Variants in SHC3 observed in about 807,000 individuals in gnomAD.
SHC3 encodes the protein SHC adaptor protein 3, also known as SHC-transforming protein 3.
SHC3 carries 15 observed loss-of-function variants against 60.4 expected under a neutral mutation model. That is an observed-to-expected ratio of 0.25 (90% CI 0.17 to 0.38). The LOEUF (loss-of-function observed/expected upper bound fraction) is 0.38, where lower values mean the gene tolerates loss of function less well. Ranked by LOEUF, SHC3 falls within the 10% of genes least tolerant of loss-of-function variation. SHC3 has a pLI of 1.00. For synonymous variants in SHC3, 294 were observed against 325.9 expected (o/e 0.90, Z 1.05); for missense variants, 677 against 786.1 (o/e 0.86, Z 1.66).
intron 7 of SHC3, among the ~76,000 whole-genome samples, chr9:89,049,020 GGGA>G (rs1440552467): frequency 6.6e-6 from 1 of 152,154 alleles, no homozygotes; most frequent in Non-Finnish European, 1.5e-5. Flanking sequence ...CCAGCACTTT[GGGA>G]GGCCGAGAGG....
chr9:89,078,000 G>T (rs965721005), intron 2 of SHC3, 97 bp from the exon 3 acceptor site: 40 of 1,360,740 alleles, frequency 2.9e-5, no homozygotes, highest in Non-Finnish European at 3.8e-5. Context: ...ATAACTGCCT[G>T]TTTATTTCAG....
rs1039253758 is a variant in SHC3 at position 89,177,939 on chromosome 9, C to G, written c.474+48G>C. On this transcript the variant is annotated intron_variant, in intron 1 of 11. Coordinates refer to ENST00000375835, the MANE Select transcript of SHC3 (RefSeq NM_016848.6). ...AGGGAATGAAGGAGTCTGCCCCGAA[C>G]TGGCCCCAGAACCCCCAGCCCCCAG... is the stretch of plus-strand genomic sequence containing the variant. 1.1e-5 allele frequency: 13 copies of G among 1,182,816 alleles called. No individual in the cohort carries two copies. The African/African-American group carries it at 1.8e-4, about 16-fold the overall frequency. The allele number at this position is 1,182,816 out of a possible 1,614,324, so 73.3% of individuals were successfully genotyped here.
intron 1 of SHC3, among the ~76,000 whole-genome samples, chr9:89,158,925 C>T (rs769150345): frequency 2.6e-5 from 4 of 152,110 alleles, no homozygotes; most frequent in Admixed American, 6.5e-5. Flanking sequence ...AAAATTCCAC[C>T]GGCTTTCTCA....
intron 1 of SHC3, among the ~76,000 whole-genome samples, chr9:89,171,687 G>T (rs1319368511): frequency 6.6e-6 from 1 of 152,192 alleles, no homozygotes; most frequent in Non-Finnish European, 1.5e-5. Context: ...GACAGCTGCT[G>T]AGGCATCAGG....
intron 1 of SHC3, among the ~76,000 whole-genome samples, chr9:89,126,167 G>A (rs1826162501): frequency 6.6e-6 from 1 of 152,126 alleles, no homozygotes; most frequent in Admixed American, 6.5e-5. Context: ...TAAGCAGAGT[G>A]CCCATACTTG....
intron 1 of SHC3, among the ~76,000 whole-genome samples, chr9:89,142,829 T>C (rs1391807970): frequency 1.3e-5 from 2 of 152,100 alleles, no homozygotes; most frequent in Admixed American, 6.5e-5. Flanking sequence ...TGTGTACAGA[T>C]AATTTTCCTT....
Position 89,075,192 on chromosome 9 carries a change from T to G in SHC3, c.646A>C (p.Ser216Arg). The change falls in exon 4 of 12, where the codon AGC (serine) becomes CGC (arginine). Residue 216 changes from serine to arginine, a missense_variant. Ser to Arg is a moderately radical substitution (Grantham distance 110). Coordinates refer to ENST00000375835, the MANE Select transcript of SHC3 (RefSeq NM_016848.6). ...CTCATTCCCGCAAACTGGAGGTTGC[T>G]CTTTCCCAAGATGCTGGACAGCATT... ...SKMLSSILGK[S>R]NLQFAGMSIS... The G allele has an allele frequency of 6.2e-7, 1 of 1,614,008 alleles. No homozygotes were observed. Among genetic ancestry groups the G allele is most frequent in the Non-Finnish European group, 8.5e-7 (1 of 1,179,922 alleles).
At position 89,028,381 on chromosome 9, in the gene SHC3, T is replaced by C. The variant is rs1011608620; in HGVS notation, c.1656+9612A>G. Among the ~76,000 whole-genome samples, 5 of 151,090 alleles carry C rather than the reference T, an allele frequency of 3.3e-5. No homozygotes were observed. In the East Asian group the frequency reaches 5.8e-4, roughly 18 times the overall value. ...AGACATCTTAAAAACACCAGTACCA[T>C]GAAGAGAAAGATCATGATGAGCAAA... On this transcript the variant is annotated intron_variant, in intron 11 of 11. Transcript: ENST00000375835.
At chr9:89,064,809 G>A (rs968240014) in intron 6 of SHC3, among the ~76,000 whole-genome samples, 9 of 152,134 alleles carry the variant, frequency 5.9e-5, no homozygotes, top group Admixed American at 2.0e-4. Flanking sequence ...GTATGTATAC[G>A]GATAAGCATT....
At chr9:89,023,131 G>A (rs903542292) in intron 11 of SHC3, among the ~76,000 whole-genome samples, 1 of 152,222 alleles carries the variant, frequency 6.6e-6, no homozygotes, top group East Asian at 1.9e-4. Flanking sequence ...AACACTCAGG[G>A]AGAGAGGTCA....
chr9:89,052,013 A>G, intron 7 of SHC3, 24 bp downstream of exon 7: 1 of 1,611,896 alleles, frequency 6.2e-7, no homozygotes, highest in Non-Finnish European at 8.5e-7. Flanking sequence ...AGGCTATTGC[A>G]AATGGTGTCA....
At chr9:89,114,361 T>C (rs1482281173) in intron 1 of SHC3, among the ~76,000 whole-genome samples, 1 of 152,050 alleles carries the variant, frequency 6.6e-6, no homozygotes. Context: ...TGTCCCCCCA[T>C]GGACGTATAC....
intron 6 of SHC3, among the ~76,000 whole-genome samples, chr9:89,064,191 CA>C (rs1324528277): frequency 3.3e-5 from 5 of 152,178 alleles, no homozygotes; most frequent in African/African-American, 1.2e-4. Flanking sequence ...AATGCAATAC[CA>C]TCATATTGGG....
At chr9:89,016,477 GA>G (rs1826095659) in intron 11 of SHC3, among the ~76,000 whole-genome samples, 1 of 151,930 alleles carries the variant, frequency 6.6e-6, no homozygotes, top group Admixed American at 6.6e-5. Context: ...CACACAAGAA[GA>G]AATAAACAAT....
chr9:89,046,809 C>A (rs1392281403), intron 8 of SHC3, 35 bp downstream of exon 8: 1 of 1,466,390 alleles, frequency 6.8e-7, no homozygotes, highest in Non-Finnish European at 9.0e-7. Context: ...AGTTAGCCTC[C>A]ATTCCTTATA....
At chr9:89,019,304 A>G (rs1014485435) in intron 11 of SHC3, among the ~76,000 whole-genome samples, 3 of 152,216 alleles carry the variant, frequency 2.0e-5, no homozygotes, top group African/African-American at 7.2e-5. Context: ...CTAAGGTTTC[A>G]CAGCAGCTTA....
At chr9:89,060,963 A>G (rs180755771) in intron 6 of SHC3, among the ~76,000 whole-genome samples, 3 of 152,260 alleles carry the variant, frequency 2.0e-5, no homozygotes, top group Admixed American at 6.5e-5. Flanking sequence ...TGCTGGACCT[A>G]TCTGTGTCTG....
intron 1 of SHC3, among the ~76,000 whole-genome samples, chr9:89,148,439 G>C (rs1465144463): frequency 6.6e-6 from 1 of 152,136 alleles, no homozygotes; most frequent in Admixed American, 6.5e-5. Context: ...CACAGATTTT[G>C]GGGGAGAAAA....
intron 1 of SHC3, among the ~76,000 whole-genome samples, chr9:89,146,311 C>G (rs564100111): frequency 6.6e-6 from 1 of 151,574 alleles, no homozygotes; most frequent in Admixed American, 6.6e-5. Flanking sequence ...AAGCTGAGAT[C>G]GCGCCACTGC....
Sources: gnomAD v4.1 joint callset for allele counts (sites outside exome capture counted in the v4.1 genomes callset) on GRCh38, gnomAD v4.1.1 for gene constraint, MANE v1.5 for transcripts, NCBI Gene and HGNC (gene_info 2026-07-23, HGNC 2026-07-21) for gene names.